SGCD: variants seen among roughly 807,000 people sequenced by gnomAD.
SGCD encodes delta-sarcoglycan.
SGCD carries 18 observed loss-of-function variants against 36.6 expected under a neutral mutation model. That is an observed-to-expected ratio of 0.49 (90% confidence interval 0.34 to 0.73). The LOEUF is 0.73. SGCD is among the 30% of genes least tolerant of loss of function. The pLI is 0.01. For synonymous variants in SGCD, 133 were observed against 130.6 expected (o/e 1.02, Z -0.12); for missense variants, 387 against 346.7 (o/e 1.12, Z -0.92).
At chr5:156,261,692 C>CA (rs1199513541) in intron 3 of SGCD, among the ~76,000 whole-genome samples, 3 of 152,056 alleles carry the variant, frequency 2.0e-5, no homozygotes, top group Non-Finnish European at 4.4e-5. Context: ...CAGAGAAAGG[C>CA]ATTGTTATCC....
At chr5:156,527,278 A>G (rs144973216) in intron 4 of SGCD, among the ~76,000 whole-genome samples, 70 of 152,310 alleles carry the variant, frequency 4.6e-4, no homozygotes, top group African/African-American at 1.5e-3. Context: ...ATGGGTTAAG[A>G]TCAGAAAAAA....
chr5:155,987,587 T>G (rs1758355653), intron 1 of SGCD, among the ~76,000 whole-genome samples: 1 of 152,188 alleles, frequency 6.6e-6, no homozygotes, highest in Non-Finnish European at 1.5e-5. Flanking sequence ...AGCCCCAAAC[T>G]CAGCATGGCA....
intron 3 of SGCD, among the ~76,000 whole-genome samples, chr5:156,396,077 G>GTA (rs915845190): frequency 1.3e-5 from 2 of 152,178 alleles, no homozygotes; most frequent in Non-Finnish European, 2.9e-5. Context: ...AGCTACCTGG[G>GTA]TAACTGAACC....
intron 1 of SGCD, among the ~76,000 whole-genome samples, chr5:156,081,623 T>C (rs2127591679): frequency 6.6e-6 from 1 of 152,262 alleles, no homozygotes; most frequent in Middle Eastern, 3.4e-3. Context: ...TTCAAACTCT[T>C]GTGCTCAAGC....
At chr5:156,404,027 G>T (rs1011961916) in intron 3 of SGCD, among the ~76,000 whole-genome samples, 1 of 151,984 alleles carries the variant, frequency 6.6e-6, no homozygotes, top group Non-Finnish European at 1.5e-5. Context: ...TAGAGACAAG[G>T]TTTCACCATG....
intron 3 of SGCD, among the ~76,000 whole-genome samples, chr5:156,415,140 A>C (rs1772958534): frequency 6.6e-6 from 1 of 152,154 alleles, no homozygotes; most frequent in African/African-American, 2.4e-5. Context: ...GTCTGTCTTT[A>C]GTTATACTCT....
intron 3 of SGCD, among the ~76,000 whole-genome samples, chr5:156,251,285 A>G (rs1374548270): frequency 6.6e-6 from 1 of 152,176 alleles, no homozygotes; most frequent in Non-Finnish European, 1.5e-5. Context: ...AATTGTTTTT[A>G]GAAAGGAAGA....
chr5:156,244,406 T>G (rs1459924348), intron 3 of SGCD, among the ~76,000 whole-genome samples: 2 of 152,212 alleles, frequency 1.3e-5, no homozygotes, highest in African/African-American at 4.8e-5. Context: ...ATCATATTCA[T>G]AAGAACATGA....
intron 3 of SGCD, among the ~76,000 whole-genome samples, chr5:156,281,760 C>T (rs1464428802): frequency 6.6e-6 from 1 of 152,122 alleles, no homozygotes; most frequent in African/African-American, 2.4e-5. Flanking sequence ...CAGAGGTTAG[C>T]TCTAGCTTCA....
chr5:156,755,898 A>T (rs1344651899), intron 7 of SGCD, among the ~76,000 whole-genome samples: 3 of 152,132 alleles, frequency 2.0e-5, no homozygotes, highest in Middle Eastern at 3.2e-3. Context: ...AGGAACCTAG[A>T]CCTGAAAAAT....
the SGCD span, among the ~76,000 whole-genome samples, chr5:155,858,654 T>A: frequency 1.3e-5 from 2 of 152,212 alleles, no homozygotes; most frequent in Admixed American, 1.3e-4. Flanking sequence ...CAAATGAAAG[T>A]GGTGTATGGT....
chr5:156,519,020 G>C (rs1757296688), intron 4 of SGCD, among the ~76,000 whole-genome samples: 1 of 151,598 alleles, frequency 6.6e-6, no homozygotes, highest in Non-Finnish European at 1.5e-5. Flanking sequence ...TGAAGGAGTT[G>C]GAGACACAAA....
chr5:156,229,818 A>T (rs1268173814), intron 3 of SGCD, among the ~76,000 whole-genome samples: 1 of 152,086 alleles, frequency 6.6e-6, no homozygotes, highest in Non-Finnish European at 1.5e-5. Flanking sequence ...TTGGTCGTTT[A>T]ACATAATCTC....
chr5:155,799,702 A>G, the SGCD span, among the ~76,000 whole-genome samples: 11 of 151,224 alleles, frequency 7.3e-5, no homozygotes, highest in Non-Finnish European at 4.4e-5. Context: ...GCCAAAGAAC[A>G]ATGACTTTAG....
chr5:156,101,991 C>T (rs1461910236), intron 1 of SGCD, among the ~76,000 whole-genome samples: 2 of 141,406 alleles, frequency 1.4e-5, no homozygotes, highest in Non-Finnish European at 3.0e-5. Context: ...GGTGGTAGTA[C>T]TTGTTATAAA....
At chr5:156,309,362 C>G (rs141618173) in intron 3 of SGCD, among the ~76,000 whole-genome samples, 333 of 152,068 alleles carry the variant, frequency 2.2e-3, no homozygotes, top group African/African-American at 7.5e-3. Context: ...CAGACTTGAT[C>G]ATTTTTATTG....
At chr5:156,280,904 A>T (rs1452000314) in intron 3 of SGCD, among the ~76,000 whole-genome samples, 1 of 152,170 alleles carries the variant, frequency 6.6e-6, no homozygotes, top group Non-Finnish European at 1.5e-5. Flanking sequence ...AAAAGTCATT[A>T]TTAGAGCAAA....
intron 1 of SGCD, among the ~76,000 whole-genome samples, chr5:155,986,329 T>A (rs182849351): frequency 5.3e-5 from 8 of 152,286 alleles, no homozygotes. Flanking sequence ...AAAGGACCAA[T>A]TTTTTTACTA....
intron 6 of SGCD, among the ~76,000 whole-genome samples, chr5:156,618,350 C>A (rs1762098512): frequency 6.6e-6 from 1 of 152,072 alleles, no homozygotes; most frequent in Admixed American, 6.6e-5. Flanking sequence ...TTCTGTGGCA[C>A]CTCATTTAAA....
Sources: allele counts gnomAD v4.1 joint callset (sites outside exome capture counted in the v4.1 genomes callset), GRCh38; gene constraint gnomAD v4.1.1; transcripts MANE v1.5; gene names NCBI Gene and HGNC (gene_info 2026-07-23, HGNC 2026-07-21).